The following POLDIP3 variants were observed in gnomAD, a reference collection of about 807,000 sequenced individuals.
POLDIP3 encodes DNA polymerase delta interacting protein 3.
In POLDIP3, 14 loss-of-function variants were observed where a neutral mutation model predicts 45.1. The ratio of observed to expected loss-of-function variants is 0.31; its 90% CI spans 0.20 to 0.49. The LOEUF is 0.49. Ranked by LOEUF, POLDIP3 falls within the 20% of genes least tolerant of loss-of-function variation. POLDIP3 has a pLI of 0.99. For synonymous variants in POLDIP3, 223 were observed against 205.2 expected (o/e 1.09, Z -0.74); for missense variants, 511 against 538.8 (o/e 0.95, Z 0.51).
At chr22:42,605,709 G>A (rs946738926) in intron 1 of POLDIP3, among the ~76,000 whole-genome samples, 8 of 152,034 alleles carry the variant, frequency 5.3e-5, no homozygotes, top group South Asian at 4.1e-4. Context: ...TCAGGGGGTC[G>A]GCATGCACGA....
chr22:42,605,788 G>A (rs961114720), intron 1 of POLDIP3, among the ~76,000 whole-genome samples: 1 of 152,166 alleles, frequency 6.6e-6, no homozygotes, highest in Admixed American at 6.5e-5. Flanking sequence ...CCTAGGCTTC[G>A]TGTTCCATGG....
In POLDIP3 at chr22:42,603,150, T is replaced by C; in HGVS notation, c.70A>G (p.Arg24Gly). The C allele has an allele frequency of 1.9e-6, 3 of 1,613,924 alleles. No individual in the cohort carries two copies. The highest frequency in any genetic ancestry group is 2.5e-6 in the Non-Finnish European group (3 of 1,179,830). ...GATCGGACACCTCCAACTCCCGGTC[T>C]GGCATTAAGCCTGTAAATATAAATT... ...GAAAKGRLNA[R>G]PGVGGVRSRV... Residue 24 changes from arginine to glycine, a missense_variant, in exon 2 of 9, where the codon AGA becomes GGA. By Grantham distance (125) the Arg-to-Gly change is moderately radical. Coordinates refer to ENST00000252115, the MANE Select transcript of POLDIP3 (RefSeq NM_032311.5).
chr22:42,588,251 C>T (rs559559393), intron 7 of POLDIP3, among the ~76,000 whole-genome samples: 65 of 152,028 alleles, frequency 4.3e-4, no homozygotes, highest in African/African-American at 1.4e-3. Flanking sequence ...GTCAGGAGAT[C>T]GAGACCATCC....
chr22:42,588,738 C>G (rs1017802532), intron 7 of POLDIP3, among the ~76,000 whole-genome samples: 4 of 151,280 alleles, frequency 2.6e-5, no homozygotes, highest in Non-Finnish European at 5.9e-5. Context: ...AAGCGATTAT[C>G]CTGCCTCAGC....
At chr22:42,598,484 T>C (rs920909376) in intron 4 of POLDIP3, among the ~76,000 whole-genome samples, 2 of 151,342 alleles carry the variant, frequency 1.3e-5, no homozygotes, top group Non-Finnish European at 2.9e-5. Flanking sequence ...ATCTCCTGAC[T>C]TCGTGATCCA....
At chr22:42,606,012 C>T (rs1040222332) in intron 1 of POLDIP3, among the ~76,000 whole-genome samples, 7 of 152,082 alleles carry the variant, frequency 4.6e-5, no homozygotes, top group East Asian at 1.9e-4. Context: ...CGTGGTGGCA[C>T]GCGCCTATAA....
intron 1 of POLDIP3, among the ~76,000 whole-genome samples, chr22:42,613,797 G>A (rs981234192): frequency 4.6e-5 from 7 of 152,148 alleles, no homozygotes; most frequent in Admixed American, 2.0e-4. Context: ...CATCTGCTGA[G>A]AGAACAAATG....
intron 1 of POLDIP3, among the ~76,000 whole-genome samples, chr22:42,610,960 C>T (rs1223672382): frequency 1.3e-5 from 2 of 152,124 alleles, no homozygotes; most frequent in African/African-American, 4.8e-5. Flanking sequence ...GCAACTGGTA[C>T]CTAATGCTAT....
chr22:42,598,238 A>T (rs1408710742), intron 4 of POLDIP3, among the ~76,000 whole-genome samples: 3 of 134,802 alleles, frequency 2.2e-5, no homozygotes, highest in African/African-American at 8.6e-5. Flanking sequence ...GCCCGCCACC[A>T]CACCCCGGAT....
chr22:42,584,431 G>C lies in POLDIP3; in HGVS notation c.*1360C>G. On this transcript the variant is annotated 3_prime_UTR_variant, in exon 9 of 9. Coordinates refer to ENST00000252115, the MANE Select transcript of POLDIP3 (RefSeq NM_032311.5). ...GTTTTTTTCACTGGGCTAGCCTCAAGCAAATCTTGGGAGCTCTTGAGTATC... is the reference window on the plus strand; with the variant it reads ...GTTTTTTTCACTGGGCTAGCCTCAACCAAATCTTGGGAGCTCTTGAGTATC... 6.0e-6 allele frequency: 1 copy of C among 165,780 alleles called. No individual in the cohort carries two copies. The highest frequency in any genetic ancestry group is 1.3e-5 in the Non-Finnish European group (1 of 74,950). 10.3% of individuals were successfully genotyped at this position (165,780 alleles called of 1,614,324 possible).
intron 1 of POLDIP3, among the ~76,000 whole-genome samples, chr22:42,605,759 C>T (rs891212056): frequency 1.8e-4 from 27 of 152,120 alleles, no homozygotes; most frequent in African/African-American, 6.3e-4. Flanking sequence ...GGCATCCACC[C>T]TCCCTAGGAC....
intron 7 of POLDIP3, among the ~76,000 whole-genome samples, chr22:42,588,968 T>C (rs1925496941): frequency 6.6e-6 from 1 of 152,260 alleles, no homozygotes; most frequent in Admixed American, 6.5e-5. Context: ...GGGCCAGGCT[T>C]GGTGGCTCAT....
At chr22:42,592,393 C>T (rs538001963) in intron 6 of POLDIP3, among the ~76,000 whole-genome samples, 7 of 152,318 alleles carry the variant, frequency 4.6e-5, no homozygotes, top group African/African-American at 1.4e-4. Context: ...TGAAAATTTT[C>T]GCAAAGAGCC....
intron 3 of POLDIP3, among the ~76,000 whole-genome samples, chr22:42,601,559 G>A (rs1926376868): frequency 6.6e-6 from 1 of 151,752 alleles, no homozygotes; most frequent in Non-Finnish European, 1.5e-5. Flanking sequence ...TCAAGAAATT[G>A]AGACCATCCT....
At chr22:42,590,796 C>A (rs958729153) in intron 7 of POLDIP3, among the ~76,000 whole-genome samples, 10 of 152,200 alleles carry the variant, frequency 6.6e-5, no homozygotes, top group Admixed American at 1.3e-4. Context: ...GATAGCTGGG[C>A]ACAGTGGCTC....
intron 2 of POLDIP3, 124 bp downstream of exon 2, chr22:42,602,646 A>G (rs1926467663): frequency 1.8e-6 from 2 of 1,141,808 alleles, no homozygotes; most frequent in Non-Finnish European, 2.5e-6. Flanking sequence ...TGTAAGGAGC[A>G]AAGTCTGTAT....
intron 4 of POLDIP3, among the ~76,000 whole-genome samples, chr22:42,597,911 C>G (rs1926100119): frequency 6.6e-6 from 1 of 151,632 alleles, no homozygotes; most frequent in African/African-American, 2.4e-5. Context: ...TCCCGAGCAG[C>G]TGGGATTACA....
chr22:42,608,802 G>A (rs995491649), intron 1 of POLDIP3, among the ~76,000 whole-genome samples: 1 of 152,172 alleles, frequency 6.6e-6, no homozygotes, highest in Non-Finnish European at 1.5e-5. Flanking sequence ...GTTAACGGTA[G>A]TTGAGGATGT....
chr22:42,593,739 G>C (rs930373599), intron 6 of POLDIP3, among the ~76,000 whole-genome samples: 11 of 152,146 alleles, frequency 7.2e-5, no homozygotes, highest in African/African-American at 2.7e-4. Context: ...GGCTGGTCTC[G>C]AACTCCTGAC....
Sources: gnomAD v4.1 joint callset for allele counts (sites outside exome capture counted in the v4.1 genomes callset) on GRCh38, gnomAD v4.1.1 for gene constraint, MANE v1.5 for transcripts, NCBI Gene and HGNC (gene_info 2026-07-23, HGNC 2026-07-21) for gene names.